CAMTA1: variants seen among roughly 807,000 people sequenced by gnomAD.
CAMTA1 encodes calmodulin binding transcription activator 1.
CAMTA1 carries 27 observed loss-of-function variants against 170.9 expected under a neutral mutation model. That is an observed-to-expected ratio of 0.16 (90% CI 0.12 to 0.22). The LOEUF is 0.22. Among genes scored for constraint, CAMTA1 ranks in the 10% least tolerant of loss-of-function variants. The pLI is 1.00. For missense variants in CAMTA1, 1,619 were observed against 2,217.2 expected, an observed-to-expected ratio of 0.73 and a Z score of 5.42; for synonymous variants, 833 against 891.5, an observed-to-expected ratio of 0.93 and a Z score of 1.17.
intron 4 of CAMTA1, among the ~76,000 whole-genome samples, chr1:7,176,855 G>A (rs1313146502): frequency 1.3e-5 from 2 of 152,108 alleles, no homozygotes; most frequent in Non-Finnish European, 2.9e-5. Context: ...GACCAGGCCT[G>A]GAAGTGGCAT....
At chr1:7,118,373 A>G (rs1377628712) in intron 4 of CAMTA1, among the ~76,000 whole-genome samples, 2 of 148,700 alleles carry the variant, frequency 1.3e-5, no homozygotes, top group Non-Finnish European at 3.0e-5. Context: ...GCTCACTGCA[A>G]CCTCGATCTC....
intron 3 of CAMTA1, among the ~76,000 whole-genome samples, chr1:6,990,785 GTCTC>G (rs373182830): frequency 7.8e-5 from 11 of 141,526 alleles, no homozygotes; most frequent in East Asian, 4.1e-4. Context: ...CTCTCTCTCT[GTCTC>G]TCTCTCTCTC....
intron 6 of CAMTA1, among the ~76,000 whole-genome samples, chr1:7,577,189 A>T (rs1393149144): frequency 6.6e-6 from 1 of 152,166 alleles, no homozygotes; most frequent in Non-Finnish European, 1.5e-5. Flanking sequence ...AGAGGCCTGG[A>T]GGAGACGTTC....
chr1:7,568,714 A>G (rs917305179), intron 6 of CAMTA1, among the ~76,000 whole-genome samples: 2 of 151,046 alleles, frequency 1.3e-5, no homozygotes, highest in East Asian at 2.0e-4. Flanking sequence ...CACCATCACC[A>G]CCACCATCCA....
intron 4 of CAMTA1, among the ~76,000 whole-genome samples, chr1:7,192,275 C>T (rs1026941294): frequency 7.9e-5 from 12 of 152,240 alleles, no homozygotes; most frequent in Non-Finnish European, 1.5e-4. Context: ...CAAGGTTTGA[C>T]AAGCTCCTCA....
chr1:7,515,875 G>A (rs1575746726), intron 6 of CAMTA1, among the ~76,000 whole-genome samples: 1 of 152,208 alleles, frequency 6.6e-6, no homozygotes, highest in African/African-American at 2.4e-5. Flanking sequence ...AAATAGGCAC[G>A]GTTTGTCTGA....
chr1:7,268,516 A>G (rs918449411), intron 5 of CAMTA1, among the ~76,000 whole-genome samples: 2 of 152,170 alleles, frequency 1.3e-5, no homozygotes, highest in Non-Finnish European at 2.9e-5. Flanking sequence ...CGGTGTGAAG[A>G]GATGCTAATG....
intron 3 of CAMTA1, among the ~76,000 whole-genome samples, chr1:7,075,506 G>C (rs976385112): frequency 6.6e-6 from 1 of 152,108 alleles, no homozygotes; most frequent in Non-Finnish European, 1.5e-5. Flanking sequence ...GGAGCACAGC[G>C]TTGGTTCAGC....
At position 7,685,274 on chromosome 1, in the gene CAMTA1, A is replaced by G. The variant is rs1225023800; in HGVS notation, c.2914+7541A>G. ...TACGTATTTAGGGAAGGATGCAGAT[A>G]TGGGAAAGATCAGTTCCTGGCTTGG... On this transcript the variant is annotated intron_variant, in intron 11 of 22. Coordinates refer to ENST00000303635, the MANE Select transcript of CAMTA1 (RefSeq NM_015215.4). This position sits in a 1 kb window ranked among gnomAD's most constrained non-coding sequence, Gnocchi z 5.7. Among the ~76,000 whole-genome samples the G allele has an allele frequency of 2.0e-5, 3 of 152,180 alleles. No individual in the cohort carries two copies. Among genetic ancestry groups the G allele is most frequent in the African/African-American group, 7.2e-5 (3 of 41,440 alleles).
intron 5 of CAMTA1, among the ~76,000 whole-genome samples, chr1:7,321,381 G>A (rs750263106): frequency 2.0e-5 from 3 of 152,176 alleles, no homozygotes; most frequent in Admixed American, 2.0e-4. Context: ...CAGGTTCTCT[G>A]TCAGCCTCTC....
intron 3 of CAMTA1, among the ~76,000 whole-genome samples, chr1:7,071,146 G>A (rs1386992677): frequency 6.6e-6 from 1 of 152,222 alleles, no homozygotes; most frequent in Non-Finnish European, 1.5e-5. Context: ...AAGGTCATCA[G>A]TGACAAATGC....
At chr1:7,244,888 A>G (rs947279209) in intron 4 of CAMTA1, among the ~76,000 whole-genome samples, 10 of 151,590 alleles carry the variant, frequency 6.6e-5, no homozygotes, top group African/African-American at 2.2e-4. Context: ...AGCTTAAAGT[A>G]TAATAATAAT....
At chr1:7,264,955 G>A (rs760017985) in intron 5 of CAMTA1, among the ~76,000 whole-genome samples, 22 of 152,210 alleles carry the variant, frequency 1.4e-4, no homozygotes, top group Admixed American at 6.5e-5. Flanking sequence ...ATTAATCCAA[G>A]CAGCAAGAGA....
At chr1:7,449,769 C>CAA (rs59913060) in intron 5 of CAMTA1, among the ~76,000 whole-genome samples, 20,867 of 79,214 alleles carry the variant, frequency 0.26, 2,495 homozygotes, top group East Asian at 0.44. Flanking sequence ...GACTCGGTCT[C>CAA]AAAAAAAAAA....
chr1:7,614,123 A>G (rs2095543194), intron 6 of CAMTA1, among the ~76,000 whole-genome samples: 1 of 151,882 alleles, frequency 6.6e-6, no homozygotes, highest in South Asian at 2.1e-4. Context: ...GGTGAGTAGG[A>G]GGAGAGGAGA....
chr1:7,082,254 A>G (rs541131270), intron 3 of CAMTA1, among the ~76,000 whole-genome samples: 4 of 152,254 alleles, frequency 2.6e-5, no homozygotes, highest in African/African-American at 9.6e-5. Flanking sequence ...CCTGACAAAC[A>G]TGGTGAAACC....
intron 3 of CAMTA1, among the ~76,000 whole-genome samples, chr1:6,883,311 A>T (rs1557759735): frequency 6.6e-6 from 1 of 152,176 alleles, no homozygotes. Flanking sequence ...GGTGACTTTG[A>T]TAAGAGCTGT....
intron 3 of CAMTA1, among the ~76,000 whole-genome samples, chr1:6,855,698 C>G (rs912614320): frequency 6.6e-6 from 1 of 151,888 alleles, no homozygotes; most frequent in South Asian, 2.1e-4. Flanking sequence ...TTGAAAGCAG[C>G]GTTTAATGTG....
chr1:7,536,921 C>T (rs960840295), intron 6 of CAMTA1, among the ~76,000 whole-genome samples: 1 of 152,166 alleles, frequency 6.6e-6, no homozygotes, highest in Non-Finnish European at 1.5e-5. Flanking sequence ...ATTGATCTCT[C>T]GTCCCCCTCC....
Sources: allele counts gnomAD v4.1 joint callset (sites outside exome capture counted in the v4.1 genomes callset), GRCh38; gene constraint gnomAD v4.1.1; non-coding constraint Gnocchi (gnomAD v3.1); transcripts MANE v1.5; gene names NCBI Gene and HGNC (gene_info 2026-07-23, HGNC 2026-07-21).